SNTG2: variants seen among roughly 807,000 people sequenced by gnomAD.
SNTG2 encodes the protein syntrophin gamma 2.
Under a neutral mutation model 70.9 loss-of-function variants are expected in SNTG2, and 74 were observed. The ratio of observed to expected loss-of-function variants is 1.04; its 90% CI spans 0.86 to 1.27. The LOEUF is 1.27. SNTG2 is among the 50% of genes most tolerant of loss of function. The pLI is 0.00. For synonymous variants in SNTG2, 278 were observed against 273.8 expected (o/e 1.02, Z -0.15); for missense variants, 717 against 690.7 (o/e 1.04, Z -0.43).
chr2:1,281,221 T>TTATGGTGTATGTGGTGTGGTG (rs1679501629), intron 14 of SNTG2, among the ~76,000 whole-genome samples: 1 of 37,750 alleles, frequency 2.6e-5, no homozygotes, highest in African/African-American at 1.1e-4. Context: ...GTGTGTGTGT[T>TTATGGTGTATGTGGTGTGGTG]TGTGTTTATG....
At position 1,245,179 on chromosome 2, in the gene SNTG2, C is replaced by G. The variant is rs74169643; in HGVS notation, c.889-2148C>G. 6.1e-3 allele frequency among the ~76,000 whole-genome samples: 904 copies of G among 148,046 alleles called. 7 individuals are homozygous for G. Among genetic ancestry groups the G allele is most frequent in the Middle Eastern group, 0.039 (11 of 282 alleles). ...GAGATATACCTAATGCTAGATGACACGTTAGTGGGTGCAGCACACCAACAT... is the reference window on the plus strand; with the variant it reads ...GAGATATACCTAATGCTAGATGACAGGTTAGTGGGTGCAGCACACCAACAT... On this transcript the variant is annotated intron_variant, in intron 11 of 16. Transcript: ENST00000308624.
At chr2:1,105,263 G>A (rs1326877620) in intron 4 of SNTG2, among the ~76,000 whole-genome samples, 1 of 149,756 alleles carries the variant, frequency 6.7e-6, no homozygotes, top group East Asian at 1.9e-4. Flanking sequence ...GTCATTGCCA[G>A]CTGTGCCATG....
rs1393142625 is a variant in SNTG2, at chr2:1,134,867, C to T, written c.326-2755C>T. ...GGGCTGCAGGTCCCGAGCCCTGCCC[C>T]GCGGGGAGGCAGCTAAGGCCCCGAG... On this transcript the variant is annotated intron_variant, in intron 4 of 16. Coordinates refer to ENST00000308624, the MANE Select transcript of SNTG2 (RefSeq NM_018968.4). 3.9e-5 allele frequency among the ~76,000 whole-genome samples: 6 copies of T among 152,278 alleles called. No homozygotes were observed. In the East Asian group the frequency reaches 5.8e-4, roughly 15 times the overall value.
intron 4 of SNTG2, among the ~76,000 whole-genome samples, chr2:1,118,269 A>G (rs992515092): frequency 1.3e-5 from 2 of 152,062 alleles, no homozygotes; most frequent in East Asian, 3.9e-4. Context: ...GCTGAGAAAG[A>G]TCCCCTCAGC....
At chr2:1,072,343 C>CTT (rs1412825740) in intron 1 of SNTG2, among the ~76,000 whole-genome samples, 1,521 of 23,212 alleles carry the variant, frequency 0.066, 30 homozygotes, top group Admixed American at 0.11. Flanking sequence ...TTTTCTTTTT[C>CTT]TTTTTCTTTT....
intron 12 of SNTG2, among the ~76,000 whole-genome samples, chr2:1,250,038 G>T (rs10190050): frequency 6.6e-6 from 1 of 152,046 alleles, no homozygotes; most frequent in Non-Finnish European, 1.5e-5. Context: ...CCAGCCGTGC[G>T]TGCCGGGAAG....
chr2:1,176,649 A>G (rs989012080), intron 8 of SNTG2, among the ~76,000 whole-genome samples: 2 of 126,328 alleles, frequency 1.6e-5, no homozygotes, highest in African/African-American at 3.0e-5. Context: ...CAAATTTACA[A>G]GAAAAAAAAA....
intron 10 of SNTG2, 31 bp downstream of exon 10, chr2:1,238,048 G>C: frequency 1.3e-6 from 2 of 1,586,726 alleles, no homozygotes; most frequent in Non-Finnish European, 1.7e-6. Flanking sequence ...AGTCTCTGCT[G>C]ATGCTCATTC....
At chr2:1,316,088 T>G (rs190043910) in intron 15 of SNTG2, among the ~76,000 whole-genome samples, 177 bp from the exon 16 acceptor site, 104 of 152,206 alleles carry the variant, frequency 6.8e-4, no homozygotes, top group Non-Finnish European at 1.3e-3. Context: ...GGAGGTCAGT[T>G]TGCAAAGATT....
At chr2:973,542 T>TA (rs1558287511) in intron 1 of SNTG2, among the ~76,000 whole-genome samples, 4 of 99,462 alleles carry the variant, frequency 4.0e-5, no homozygotes, top group Admixed American at 9.4e-5. Context: ...ATATATATAT[T>TA]TTTTTTTACT....
chr2:1,156,987 T>A (rs1481917983), intron 6 of SNTG2, among the ~76,000 whole-genome samples: 1 of 152,058 alleles, frequency 6.6e-6, no homozygotes, highest in African/African-American at 2.4e-5. Context: ...TCCATAGAAA[T>A]ATGAATCCCC....
At chr2:1,071,204 A>T (rs926235170) in intron 1 of SNTG2, among the ~76,000 whole-genome samples, 19 of 152,056 alleles carry the variant, frequency 1.2e-4, no homozygotes, top group African/African-American at 4.6e-4. Context: ...ATGCACACGT[A>T]TGTTTATTGC....
intron 16 of SNTG2, chr2:1,346,470 A>G (rs1660281672): frequency 6.6e-6 from 1 of 152,376 alleles, no homozygotes; most frequent in African/African-American, 2.4e-5. Flanking sequence ...TTTGTTCTGC[A>G]CATCCCACCC....
intron 9 of SNTG2, among the ~76,000 whole-genome samples, chr2:1,233,559 A>C (rs969337097): frequency 5.9e-5 from 9 of 152,174 alleles, no homozygotes; most frequent in Non-Finnish European, 7.4e-5. Context: ...GCTGGCACTG[A>C]GCCCACAGTC....
intron 1 of SNTG2, among the ~76,000 whole-genome samples, chr2:994,874 A>G (rs537950641): frequency 1.3e-5 from 2 of 151,320 alleles, no homozygotes; most frequent in African/African-American, 4.8e-5. Flanking sequence ...TGTTAATTGC[A>G]AACATATATA....
chr2:1,076,101 A>G (rs1663898355), intron 1 of SNTG2, among the ~76,000 whole-genome samples: 1 of 152,226 alleles, frequency 6.6e-6, no homozygotes, highest in African/African-American at 2.4e-5. Context: ...TTGGTCACGC[A>G]AAAATCTTCA....
At chr2:994,149 T>C (rs1418477862) in intron 1 of SNTG2, among the ~76,000 whole-genome samples, 1 of 152,094 alleles carries the variant, frequency 6.6e-6, no homozygotes, top group Non-Finnish European at 1.5e-5. Context: ...AAAGGGTCTA[T>C]TCTGAGTATA....
chr2:1,015,093 T>C (rs943468263), intron 1 of SNTG2, among the ~76,000 whole-genome samples: 2 of 152,098 alleles, frequency 1.3e-5, no homozygotes, highest in African/African-American at 2.4e-5. Context: ...GCGGGAAACC[T>C]TGGGATGTGC....
intron 1 of SNTG2, among the ~76,000 whole-genome samples, chr2:1,008,191 A>G (rs1050605342): frequency 6.6e-6 from 1 of 152,166 alleles, no homozygotes; most frequent in Non-Finnish European, 1.5e-5. Context: ...TTTCTGTTCT[A>G]TATCTTTCTC....
Sources: allele counts gnomAD v4.1 joint callset (sites outside exome capture counted in the v4.1 genomes callset), GRCh38; gene constraint gnomAD v4.1.1; transcripts MANE v1.5; gene names NCBI Gene and HGNC (gene_info 2026-07-23, HGNC 2026-07-21).